ATP6V1D: variants seen among roughly 807,000 people sequenced by gnomAD.
ATP6V1D encodes ATPase H+ transporting V1 subunit D, also known as V-type proton ATPase subunit D.
ATP6V1D carries 20 observed loss-of-function variants against 39.4 expected under a neutral mutation model. The ratio of observed to expected loss-of-function variants is 0.51; its 90% CI spans 0.36 to 0.74. The LOEUF is 0.74. Ranked by LOEUF, ATP6V1D falls within the 30% of genes least tolerant of loss-of-function variation. The pLI is 0.00. For synonymous variants in ATP6V1D, 100 were observed against 100.5 expected (o/e 0.99, Z 0.03); for missense variants, 228 against 291.6 (o/e 0.78, Z 1.59).
intron 3 of ATP6V1D, among the ~76,000 whole-genome samples, chr14:67,349,483 C>T (rs1053034274): frequency 1.1e-4 from 16 of 152,164 alleles, no homozygotes; most frequent in African/African-American, 3.9e-4. Context: ...CGTTCAATTC[C>T]TTTACCCTGG....
At chr14:67,359,538 C>T (rs1320994451) in intron 1 of ATP6V1D, 120 bp downstream of exon 1, 2 of 1,156,516 alleles carry the variant, frequency 1.7e-6, no homozygotes, top group African/African-American at 1.6e-5. Flanking sequence ...AGAAAAGAAC[C>T]TGGGAAAAGC....
At chr14:67,351,949 TG>T (rs1434228014) in intron 2 of ATP6V1D, among the ~76,000 whole-genome samples, 1 of 141,990 alleles carries the variant, frequency 7.0e-6, no homozygotes, top group Non-Finnish European at 1.5e-5. Context: ...AAAATCAAAT[TG>T]TCAATAAGCA....
chr14:67,340,442 A>G lies in ATP6V1D; in HGVS notation c.600T>C (p.Tyr200=). The G allele has an allele frequency of 6.2e-7, 1 of 1,613,494 alleles. No individual in the cohort carries two copies. The highest frequency in any genetic ancestry group is 8.5e-7 in the Non-Finnish European group (1 of 1,179,480). The part of the protein sequence containing the change: ...ELDEREREEF[Y]RLKKIQEKKK... ...AATAACTGCCAATTTCAACAAACCT[A>G]TAGAACTCTTCTCGCTCTCTCTCAT... is the stretch of plus-strand genomic sequence containing the variant. Residue 200 remains tyrosine (Y), a splice_region_variant and synonymous_variant, in exon 8 of 9, where the codon TAT becomes TAC. Transcript: ENST00000216442.
chr14:67,339,707 A>G (rs2085565250), intron 8 of ATP6V1D, among the ~76,000 whole-genome samples: 1 of 152,210 alleles, frequency 6.6e-6, no homozygotes, highest in Admixed American at 6.5e-5. Flanking sequence ...CTTCTCCTGA[A>G]CATGAAATAC....
At chr14:67,354,337 AAAT>A (rs1396023987) in intron 1 of ATP6V1D, among the ~76,000 whole-genome samples, 1 of 152,240 alleles carries the variant, frequency 6.6e-6, no homozygotes, top group African/African-American at 2.4e-5. Flanking sequence ...TTGTAAGTTA[AAAT>A]AATATCTTTG....
chr14:67,350,695 A>G lies in ATP6V1D; in HGVS notation c.160-5T>C, dbSNP rs1388293561. The stretch of plus-strand genomic sequence containing the variant: ...TTCGCCCATCAACATTTTAGTCTGG[A>G]AAAGCATAAACCAACAGCAGATTCA... On this transcript the variant is annotated splice_polypyrimidine_tract_variant and splice_region_variant and intron_variant, in intron 2 of 8. Transcript: ENST00000216442. The G allele has an allele frequency of 6.2e-7, 1 of 1,612,704 alleles. No homozygotes were observed. Among genetic ancestry groups the G allele is most frequent in the South Asian group, 1.1e-5 (1 of 90,884 alleles).
rs1448845610 is a variant in ATP6V1D, at chr14:67,359,747, G to A, written c.-49C>T. On this transcript the variant is annotated 5_prime_UTR_variant, in exon 1 of 9. Coordinates refer to ENST00000216442, the MANE Select transcript of ATP6V1D (RefSeq NM_015994.4). ...GGTCCCCGGCCGGGCAACCGAGGCT[G>A]CAATAGCTCCAGAACTGGCCTCCAC... is the stretch of plus-strand genomic sequence containing the variant. The A allele has an allele frequency of 1.2e-6, 2 of 1,609,286 alleles. No homozygotes were observed. Among genetic ancestry groups the A allele is most frequent in the Non-Finnish European group, 1.7e-6 (2 of 1,177,036 alleles).
At chr14:67,358,647 C>T (rs1314590616) in intron 1 of ATP6V1D, among the ~76,000 whole-genome samples, 1 of 152,204 alleles carries the variant, frequency 6.6e-6, no homozygotes, top group East Asian at 1.9e-4. Context: ...CTGCTGTGAG[C>T]TCTGATCATA....
chr14:67,350,739 A>C (rs777941996), intron 2 of ATP6V1D, 49 bp from the exon 3 acceptor site: 2 of 1,502,798 alleles, frequency 1.3e-6, no homozygotes, highest in Non-Finnish European at 1.8e-6. Flanking sequence ...TTTTACAAGG[A>C]AATATTCCAT....
chr14:67,343,589 G>A (rs1477081681), intron 6 of ATP6V1D, 151 bp from the exon 7 acceptor site: 1 of 612,188 alleles, frequency 1.6e-6, no homozygotes, highest in Non-Finnish European at 2.9e-6. Context: ...TCTTAGGCTG[G>A]GCGCATGGCT....
chr14:67,347,521 G>C, intron 4 of ATP6V1D, 68 bp from the exon 5 acceptor site: 1 of 1,235,084 alleles, frequency 8.1e-7, no homozygotes, highest in Non-Finnish European at 1.1e-6. Flanking sequence ...TTTTTTCTGA[G>C]ACGGAGTTTT....
At chr14:67,341,091 G>A (rs868440584) in intron 7 of ATP6V1D, among the ~76,000 whole-genome samples, 3 of 152,264 alleles carry the variant, frequency 2.0e-5, no homozygotes, top group East Asian at 1.9e-4. Flanking sequence ...CTGCCCAGCC[G>A]CCACCCGGTC....
At chr14:67,355,012 A>G (rs1214067861) in intron 1 of ATP6V1D, among the ~76,000 whole-genome samples, 1 of 151,974 alleles carries the variant, frequency 6.6e-6, no homozygotes, top group Non-Finnish European at 1.5e-5. Flanking sequence ...AGGTTTCTCC[A>G]TGTTGGTCAG....
intron 8 of ATP6V1D, 119 bp from the exon 9 acceptor site, chr14:67,338,881 T>G: frequency 1.3e-6 from 1 of 767,670 alleles, no homozygotes; most frequent in Non-Finnish European, 1.9e-6. Context: ...ACCTGGTACT[T>G]TTATTAATTT....
intron 7 of ATP6V1D, among the ~76,000 whole-genome samples, chr14:67,341,421 G>C (rs1294434650): frequency 6.6e-6 from 1 of 152,022 alleles, no homozygotes; most frequent in East Asian, 1.9e-4. Flanking sequence ...TGGGAAGTGA[G>C]GAGCGTCTCC....
At chr14:67,343,008 T>C (rs2085596974) in intron 7 of ATP6V1D, among the ~76,000 whole-genome samples, 1 of 152,208 alleles carries the variant, frequency 6.6e-6, no homozygotes, top group African/African-American at 2.4e-5. Flanking sequence ...AAATATTTAA[T>C]GTACTCAAAA....
At chr14:67,339,698 T>G (rs1423870588) in intron 8 of ATP6V1D, among the ~76,000 whole-genome samples, 3 of 152,234 alleles carry the variant, frequency 2.0e-5, no homozygotes. Flanking sequence ...GCTTTATACC[T>G]TCTCCTGAAC....
chr14:67,341,478 C>T (rs1410612923), intron 7 of ATP6V1D, among the ~76,000 whole-genome samples: 1 of 151,838 alleles, frequency 6.6e-6, no homozygotes, highest in African/African-American at 2.4e-5. Context: ...GGTCAGCCCC[C>T]GGCCCGGCCA....
At chr14:67,349,214 T>A in intron 3 of ATP6V1D, 110 bp from the exon 4 acceptor site, 1 of 1,053,518 alleles carries the variant, frequency 9.5e-7, no homozygotes, top group Non-Finnish European at 1.4e-6. Context: ...ATGTCACAAT[T>A]AAGTATGTTT....
Sources: allele counts gnomAD v4.1 joint callset (sites outside exome capture counted in the v4.1 genomes callset), GRCh38; gene constraint gnomAD v4.1.1; transcripts MANE v1.5; gene names NCBI Gene and HGNC (gene_info 2026-07-23, HGNC 2026-07-21).